PCDH11Y: variants seen among roughly 807,000 people sequenced by gnomAD.
PCDH11Y encodes the protein protocadherin 11 Y-linked.
For synonymous variants in PCDH11Y, 9 were observed against 83.6 expected (o/e 0.11, Z 4.87); for missense variants, 12 against 224.8 (o/e 0.05, Z 6.05).
chrY:5,393,120 T>C (rs2053222874), intron 2 of PCDH11Y, among the ~76,000 whole-genome samples: 1 of 25,136 alleles, frequency 4.0e-5, no homozygotes, highest in Non-Finnish European at 9.1e-5. Context: ...AAGAATCCTT[T>C]TTCTGGAGTG....
At chrY:5,192,928 A>G (rs2124648593) in intron 2 of PCDH11Y, among the ~76,000 whole-genome samples, 1 of 32,855 alleles carries the variant, frequency 3.0e-5, no homozygotes, top group Admixed American at 2.8e-4. Flanking sequence ...TTTTTTCAAT[A>G]GGTTCACACT....
chrY:5,032,117 A>C, intron 2 of PCDH11Y: 1 of 33,995 alleles, frequency 2.9e-5, no homozygotes, highest in Non-Finnish European at 7.4e-5. Flanking sequence ...TTCATAACTG[A>C]CAAAGTTGAA....
intron 2 of PCDH11Y, among the ~76,000 whole-genome samples, chrY:5,125,800 GA>G (rs2052824780): frequency 3.3e-4 from 11 of 33,253 alleles, no homozygotes; most frequent in Non-Finnish European, 5.9e-4. Context: ...ATTTGAGTAG[GA>G]AAAAAATGTG....
At chrY:5,010,219 A>AAG (rs2052547167) in intron 1 of PCDH11Y, among the ~76,000 whole-genome samples, 5 of 30,017 alleles carry the variant, frequency 1.7e-4, no homozygotes, top group African/African-American at 2.8e-4. Flanking sequence ...AAAAAAAAAA[A>AAG]AAAAGAAAAA....
chrY:5,456,849 A>C (rs2053298908), intron 2 of PCDH11Y, among the ~76,000 whole-genome samples: 3 of 32,784 alleles, frequency 9.2e-5, no homozygotes, highest in Non-Finnish European at 2.3e-4. Context: ...GCAAGGGTTG[A>C]AAGAGTACCT....
At chrY:5,573,688 A>G in intron 3 of PCDH11Y, 1 of 248,962 alleles carries the variant, frequency 4.0e-6, no homozygotes, top group Admixed American at 7.7e-5. Flanking sequence ...AACGACATCC[A>G]TGGGCTCCGC....
intron 2 of PCDH11Y, among the ~76,000 whole-genome samples, chrY:5,421,049 TACACACACACAC>T (rs1310744427): frequency 0.02 from 343 of 16,949 alleles, no homozygotes; most frequent in Non-Finnish European, 0.029. Context: ...CTACTAAAAA[TACACACACACAC>T]ACACACACAC....
chrY:5,218,410 C>T, intron 2 of PCDH11Y, among the ~76,000 whole-genome samples: 1 of 30,225 alleles, frequency 3.3e-5, no homozygotes, highest in African/African-American at 1.3e-4. Flanking sequence ...TGGTAATTGG[C>T]CTGACTTCAT....
At chrY:5,733,339 A>AT (rs2053607053) in intron 4 of PCDH11Y, among the ~76,000 whole-genome samples, 1 of 32,186 alleles carries the variant, frequency 3.1e-5, no homozygotes, top group African/African-American at 1.2e-4. Flanking sequence ...TAACATTATT[A>AT]TTTTTTTTCT....
chrY:5,131,362 T>C, intron 2 of PCDH11Y, among the ~76,000 whole-genome samples: 1 of 32,669 alleles, frequency 3.1e-5, no homozygotes, highest in African/African-American at 1.2e-4. Flanking sequence ...GGTAAAGGAT[T>C]GTGAAGAATT....
chrY:5,407,715 C>T (rs2053240439), intron 2 of PCDH11Y, among the ~76,000 whole-genome samples: 1 of 30,936 alleles, frequency 3.2e-5, no homozygotes, highest in African/African-American at 1.3e-4. Context: ...AAATTGAGAC[C>T]ATTCTGGCTA....
chrY:5,406,914 G>C, intron 2 of PCDH11Y, among the ~76,000 whole-genome samples: 1 of 32,644 alleles, frequency 3.1e-5, no homozygotes, highest in Non-Finnish European at 7.6e-5. Context: ...ATTCAAGGAA[G>C]ATGTCTTTCT....
intron 4 of PCDH11Y, among the ~76,000 whole-genome samples, chrY:5,729,499 T>G: frequency 3.1e-5 from 1 of 32,597 alleles, no homozygotes; most frequent in South Asian, 6.9e-4. Context: ...TTGTTTATAT[T>G]CTCTACAGTC....
chrY:5,182,806 C>A (rs2052901770), intron 2 of PCDH11Y, among the ~76,000 whole-genome samples: 1 of 33,398 alleles, frequency 3.0e-5, no homozygotes, highest in Non-Finnish European at 7.5e-5. Context: ...TCTACCAAAC[C>A]ACAGAGATGG....
intron 3 of PCDH11Y, among the ~76,000 whole-genome samples, chrY:5,034,756 C>G (rs2124622076): frequency 3.2e-5 from 1 of 31,041 alleles, no homozygotes; most frequent in East Asian, 8.3e-4. Context: ...AACCACAAAT[C>G]CCGTAAGCAC....
chrY:5,707,331 G>A, intron 4 of PCDH11Y, among the ~76,000 whole-genome samples: 5 of 21,353 alleles, frequency 2.3e-4, no homozygotes, highest in African/African-American at 3.7e-4. Flanking sequence ...CATTCACATC[G>A]AAATCCTGAA....
At chrY:5,386,988 A>G in intron 2 of PCDH11Y, among the ~76,000 whole-genome samples, 2 of 23,536 alleles carry the variant, frequency 8.5e-5, no homozygotes, top group Non-Finnish European at 1.9e-4. Flanking sequence ...TGGGTGGGTT[A>G]TATCGGAGGG....
chrY:5,645,199 C>T (rs1279607158), intron 4 of PCDH11Y, among the ~76,000 whole-genome samples: 182 of 33,093 alleles, frequency 5.5e-3, no homozygotes, highest in Non-Finnish European at 0.011. Flanking sequence ...TCCAGATTCC[C>T]TGTTGCTCCC....
At chrY:5,316,378 C>T in intron 2 of PCDH11Y, among the ~76,000 whole-genome samples, 1 of 32,723 alleles carries the variant, frequency 3.1e-5, no homozygotes, top group Non-Finnish European at 7.5e-5. Context: ...TCTCAGATAG[C>T]GGACTTCAGA....
Sources: allele counts gnomAD v4.1 joint callset (sites outside exome capture counted in the v4.1 genomes callset), GRCh38; gene constraint gnomAD v4.1.1; transcripts MANE v1.5; gene names NCBI Gene and HGNC (gene_info 2026-07-23, HGNC 2026-07-21).